The following GPN1 variants were observed in gnomAD, a reference collection of about 807,000 sequenced individuals.
GPN1 encodes the protein ATP(GTP)-binding protein.
Under a neutral mutation model 55.9 loss-of-function variants are expected in GPN1, and 44 were observed. That is an observed-to-expected ratio of 0.79 (90% CI 0.62 to 1.01). The LOEUF is 1.01. GPN1 is among the 50% of genes least tolerant of loss of function. GPN1 has a pLI of 0.00. For synonymous variants in GPN1, 179 were observed against 162.5 expected (o/e 1.10, Z -0.77); for missense variants, 466 against 462.8 (o/e 1.01, Z -0.06).
chr2:27,635,300 C>CTTTCTTTT, intron 7 of GPN1, 66 bp downstream of exon 7: 1 of 520,138 alleles, frequency 1.9e-6, no homozygotes, highest in Non-Finnish European at 3.2e-6. Context: ...TCTTCTTCCT[C>CTTTCTTTT]TTTTTTTTTT....
intron 7 of GPN1, among the ~76,000 whole-genome samples, chr2:27,635,585 G>T (rs1255817968): frequency 1.3e-5 from 2 of 152,220 alleles, no homozygotes; most frequent in African/African-American, 2.4e-5. Context: ...GGAGGCCAAG[G>T]TGGGAGGATC....
chr2:27,638,402 G>A, intron 8 of GPN1, 147 bp downstream of exon 8: 1 of 590,040 alleles, frequency 1.7e-6, no homozygotes, highest in Non-Finnish European at 3.0e-6. Flanking sequence ...TCGAGAAAAT[G>A]AATCAATCAA....
upstream of GPN1, chr2:27,628,517 G>C (rs1558483521): frequency 1.9e-6 from 3 of 1,551,490 alleles, no homozygotes; most frequent in Admixed American, 2.0e-5. Flanking sequence ...CAATGTGCAA[G>C]TGTGGAAAGC....
At chr2:27,629,375 G>A (rs372682827) in intron 1 of GPN1, 1 of 1,550,410 alleles carries the variant, frequency 6.4e-7, no homozygotes, top group Non-Finnish European at 8.7e-7. Flanking sequence ...GCACCTTCAG[G>A]GCATACTCGG....
Position 27,641,262 on chromosome 2 carries a change from C to T in GPN1, c.823C>T (p.Arg275Cys), listed in dbSNP as rs769830722. 1.4e-5 allele frequency: 22 copies of T among 1,608,118 alleles called. No individual in the cohort carries two copies. The highest frequency in any genetic ancestry group is 1.7e-5 in the Admixed American group (1 of 59,802). ...CAGGGAGTATCGTCCTGAATATGAA[C>T]GTCTGAAAAAATCACTGGTAAGAAG... ...YEREYRPEYE[R>C]LKKSLANAES... Residue 275 changes from arginine to cysteine, a missense_variant, in exon 11 of 14, where the codon CGT becomes TGT. Arg to Cys is a radical substitution (Grantham distance 180, BLOSUM62 -3). Coordinates refer to ENST00000610189, the MANE Select transcript of GPN1 (RefSeq NM_007266.4).
chr2:27,643,407 T>C lies in GPN1; in HGVS notation c.931+888T>C, dbSNP rs1674065813. ...AGTAAGTTACAGATATAATACTCTT[T>C]TACCTTGAATAATTCAGTGTCTTTT... On this transcript the variant is annotated intron_variant, in intron 12 of 13. Coordinates refer to ENST00000610189, the MANE Select transcript of GPN1 (RefSeq NM_007266.4). This position sits in a 1 kb window ranked among gnomAD's most constrained non-coding sequence, Gnocchi z 4.0. Among the ~76,000 whole-genome samples the C allele has an allele frequency of 6.6e-6, 1 of 152,118 alleles. No individual in the cohort carries two copies. Among genetic ancestry groups the C allele is most frequent in the Admixed American group, 6.6e-5 (1 of 15,258 alleles).
intron 1 of GPN1, chr2:27,629,413 G>A (rs1311301095): frequency 1.3e-6 from 2 of 1,551,012 alleles, no homozygotes; most frequent in Non-Finnish European, 8.7e-7. Flanking sequence ...TACAGGAATT[G>A]TCTTGCTGAT....
intron 2 of GPN1, among the ~76,000 whole-genome samples, chr2:27,630,517 C>T (rs542584439): frequency 9.2e-5 from 14 of 151,488 alleles, no homozygotes; most frequent in South Asian, 2.1e-4. Context: ...AGCCTCCTGC[C>T]GCTATGCTGG....
At position 27,634,784 on chromosome 2, in the gene GPN1, G is replaced by A. The variant is rs1024097040; in HGVS notation, c.351-62G>A. 1.9e-5 allele frequency: 18 copies of A among 934,724 alleles called. No individual in the cohort carries two copies. The African/African-American group carries it at 2.6e-4, about 13-fold the overall frequency. 57.9% of individuals were successfully genotyped at this position (934,724 alleles called of 1,614,324 possible). A position where few individuals can be genotyped will look rare whatever the true frequency, so the allele number is the denominator to read the frequency against. ...TAACCAGATGTTTATTGTCTTATAT[G>A]ATGGAATATCCTTCAGCATAACACA... On this transcript the variant is annotated intron_variant, in intron 5 of 13. Transcript: ENST00000610189.
intron 7 of GPN1, 45 bp downstream of exon 7, chr2:27,635,279 C>G: frequency 1.2e-6 from 1 of 839,244 alleles, no homozygotes; most frequent in Non-Finnish European, 1.9e-6. Flanking sequence ...AGGTATAAGG[C>G]CTTTTTCTCT....
At chr2:27,632,030 G>T in intron 4 of GPN1, 130 bp downstream of exon 4, 1 of 677,554 alleles carries the variant, frequency 1.5e-6, no homozygotes, top group South Asian at 1.7e-5. Context: ...TAGGCATTTT[G>T]TCAGACAGAG....
chr2:27,647,480 C>T (rs1025102278), intron 12 of GPN1, among the ~76,000 whole-genome samples: 3 of 152,126 alleles, frequency 2.0e-5, no homozygotes, highest in Admixed American at 2.0e-4. Context: ...TGTGACTCAC[C>T]AGCACACTGG....
intron 6 of GPN1, 57 bp downstream of exon 6, chr2:27,634,981 A>G (rs1403287698): frequency 9.3e-7 from 1 of 1,070,992 alleles, no homozygotes; most frequent in East Asian, 2.4e-5. Flanking sequence ...CTGGATGAGC[A>G]TTTATTTTTA....
At chr2:27,628,529 C>T (rs1375794020), upstream of GPN1, 7 of 1,551,426 alleles carry the variant, frequency 4.5e-6, no homozygotes, top group Non-Finnish European at 5.2e-6. Context: ...GTGGAAAGCT[C>T]CCGTAGTTTA....
chr2:27,639,082 A>G, intron 9 of GPN1, 51 bp downstream of exon 9: 1 of 1,450,378 alleles, frequency 6.9e-7, no homozygotes, highest in Non-Finnish European at 9.4e-7. Flanking sequence ...TAATCTGTTA[A>G]CCCATAGGAT....
intron 8 of GPN1, 91 bp downstream of exon 8, chr2:27,638,346 G>T: frequency 2.7e-6 from 2 of 737,966 alleles, no homozygotes; most frequent in Non-Finnish European, 2.4e-6. Context: ...TATTTCAGAT[G>T]CTGGAGACCA....
intron 5 of GPN1, among the ~76,000 whole-genome samples, chr2:27,634,446 A>G (rs967183214): frequency 4.6e-5 from 7 of 152,194 alleles, no homozygotes; most frequent in Admixed American, 3.9e-4. Flanking sequence ...TCAAGAAGTA[A>G]CCTGATATTC....
chr2:27,629,139 G>A lies in GPN1; in HGVS notation c.81G>A (p.Met27Ile), dbSNP rs1330254222. 1.9e-5 allele frequency: 31 copies of A among 1,614,240 alleles called. No homozygotes were observed. Among genetic ancestry groups the A allele is most frequent in the Non-Finnish European group, 2.6e-5 (31 of 1,180,046 alleles). ...RHPVCLLVLG[M>I]AGSGKTTFVQ... Reference sequence around the variant, plus strand: ...CAGTGTGTCTGTTGGTGTTGGGAATGGCGGGATCCGGGAAAACCACTTTTG... The same window carrying A: ...CAGTGTGTCTGTTGGTGTTGGGAATAGCGGGATCCGGGAAAACCACTTTTG... The change falls in exon 1 of 14, where the codon ATG (methionine) becomes ATA (isoleucine). Residue 27 changes from methionine (M) to isoleucine (I), a missense_variant. Transcript: ENST00000610189.
chr2:27,634,085 A>G (rs979241187), intron 5 of GPN1, among the ~76,000 whole-genome samples: 1 of 152,088 alleles, frequency 6.6e-6, no homozygotes, highest in Non-Finnish European at 1.5e-5. Context: ...GTTTTTGATT[A>G]TAGCCATTCT....
Sources: gnomAD v4.1 joint callset for allele counts (sites outside exome capture counted in the v4.1 genomes callset) on GRCh38, gnomAD v4.1.1 for gene constraint, Gnocchi (gnomAD v3.1) non-coding constraint, MANE v1.5 for transcripts, NCBI Gene and HGNC (gene_info 2026-07-23, HGNC 2026-07-21) for gene names.